The following RGS6 variants were observed in gnomAD, a reference collection of about 807,000 sequenced individuals.
RGS6 encodes regulator of G-protein signaling 6.
In RGS6, 30 loss-of-function variants were observed where a neutral mutation model predicts 78.5. The observed-to-expected ratio is 0.38, with a 90% CI of 0.29 to 0.52. The LOEUF is 0.52. Ranked by LOEUF, RGS6 falls within the 20% of genes least tolerant of loss-of-function variation. RGS6 has a pLI of 0.85. For synonymous variants in RGS6, 206 were observed against 206.0 expected (o/e 1.00, Z 0.00); for missense variants, 495 against 609.7 (o/e 0.81, Z 1.98).
At chr14:72,273,897 C>T (rs1378629836) in intron 2 of RGS6, among the ~76,000 whole-genome samples, 5 of 152,184 alleles carry the variant, frequency 3.3e-5, no homozygotes, top group African/African-American at 1.2e-4. Context: ...GAATTTCCTC[C>T]GGAATGTGCA....
At chr14:71,953,975 T>TTTTG (rs1555399234) in intron 1 of RGS6, among the ~76,000 whole-genome samples, 1 of 146,096 alleles carries the variant, frequency 6.8e-6, no homozygotes, top group Admixed American at 6.8e-5. Context: ...GGGCGTTTTT[T>TTTTG]TTTTTTTTTT....
At chr14:72,512,735 A>G (rs148488937) in intron 14 of RGS6, among the ~76,000 whole-genome samples, 23 of 152,348 alleles carry the variant, frequency 1.5e-4, no homozygotes, top group African/African-American at 5.1e-4. Flanking sequence ...TGGGTGAGAG[A>G]GAAGCTCAGT....
intron 17 of RGS6, among the ~76,000 whole-genome samples, chr14:72,557,420 A>G (rs1219442273): frequency 1.3e-5 from 2 of 152,176 alleles, no homozygotes; most frequent in Non-Finnish European, 2.9e-5. Context: ...AAGGAGCACC[A>G]GGGGCAGCAA....
rs11846572 is a variant in RGS6 at position 72,424,858 on chromosome 14, C to T, written c.185-29670C>T. Among the ~76,000 whole-genome samples, 950 of 152,248 alleles carry T rather than the reference C, an allele frequency of 6.2e-3. 11 individuals are homozygous for T. Among genetic ancestry groups the T allele is most frequent in the African/African-American group, 0.021 (891 of 41,538 alleles). ...AACTTTCCCTGTGCAGATGGTCTTTCAATAGAGTGGAATGTGTTTGGGGTT... is the reference window on the plus strand; with the variant it reads ...AACTTTCCCTGTGCAGATGGTCTTTTAATAGAGTGGAATGTGTTTGGGGTT... On this transcript the variant is annotated intron_variant, in intron 3 of 17. Transcript: ENST00000553525.
intron 17 of RGS6, 174 bp downstream of exon 17, chr14:72,540,268 T>C (rs1198696089): frequency 2.0e-6 from 3 of 1,532,128 alleles, no homozygotes; most frequent in Non-Finnish European, 2.6e-6. Context: ...GCTTCTCTTC[T>C]AGGGATGAAA....
At chr14:72,164,712 TTC>T (rs2096901368) in intron 2 of RGS6, among the ~76,000 whole-genome samples, 1 of 152,162 alleles carries the variant, frequency 6.6e-6, no homozygotes, top group Non-Finnish European at 1.5e-5. Context: ...TCCCCTCCCC[TTC>T]TCTCTCTTCC....
At chr14:72,094,663 A>C (rs1176025070) in intron 2 of RGS6, among the ~76,000 whole-genome samples, 2 of 152,148 alleles carry the variant, frequency 1.3e-5, no homozygotes, top group East Asian at 3.9e-4. Flanking sequence ...TGCTATCTTT[A>C]GGAACATTTA....
At chr14:71,872,067 A>T in the RGS6 span, among the ~76,000 whole-genome samples, 1 of 152,196 alleles carries the variant, frequency 6.6e-6, no homozygotes, top group Non-Finnish European at 1.5e-5. Flanking sequence ...TGCAGGGAGC[A>T]TGCTGTGGGC....
intron 2 of RGS6, among the ~76,000 whole-genome samples, chr14:72,326,230 A>T (rs1459822534): frequency 1.3e-5 from 2 of 152,248 alleles, no homozygotes; most frequent in African/African-American, 4.8e-5. Flanking sequence ...TCCACGAAGG[A>T]TATAATCTCT....
intron 2 of RGS6, among the ~76,000 whole-genome samples, chr14:72,211,737 T>C (rs745823149): frequency 3.3e-5 from 5 of 152,158 alleles, no homozygotes; most frequent in East Asian, 1.9e-4. Context: ...ACCCTATTTT[T>C]AGACAGCCTC....
At chr14:72,001,365 G>GA (rs2083384432) in intron 2 of RGS6, among the ~76,000 whole-genome samples, 1 of 152,032 alleles carries the variant, frequency 6.6e-6, no homozygotes, top group African/African-American at 2.4e-5. Context: ...GCAATTCTGT[G>GA]AAAATTTAGT....
chr14:72,478,393 G>T, intron 12 of RGS6, 64 bp downstream of exon 12: 1 of 1,196,868 alleles, frequency 8.4e-7, no homozygotes, highest in Non-Finnish European at 1.2e-6. Context: ...ATGTTACAGG[G>T]TTATGGTTAA....
At chr14:72,362,795 G>A (rs1040357605) in intron 3 of RGS6, among the ~76,000 whole-genome samples, 1 of 152,200 alleles carries the variant, frequency 6.6e-6, no homozygotes, top group African/African-American at 2.4e-5. Flanking sequence ...TCCACCTCCT[G>A]GTGTAGGAGT....
chr14:72,081,017 T>C (rs2094800490), intron 2 of RGS6, among the ~76,000 whole-genome samples: 1 of 152,120 alleles, frequency 6.6e-6, no homozygotes, highest in African/African-American at 2.4e-5. Context: ...TGTGGTTCCA[T>C]ATGAATTTTA....
chr14:72,519,275 A>G (rs772716336), intron 15 of RGS6, among the ~76,000 whole-genome samples: 5 of 152,182 alleles, frequency 3.3e-5, no homozygotes, highest in African/African-American at 4.8e-5. Context: ...GGGAGGTGCC[A>G]TTTCTAAAAA....
intron 1 of RGS6, among the ~76,000 whole-genome samples, chr14:71,939,265 C>G (rs545152936): frequency 6.6e-6 from 1 of 152,272 alleles, no homozygotes; most frequent in African/African-American, 2.4e-5. Context: ...CAACAGGCCC[C>G]ACACCACTGG....
At chr14:72,518,917 G>A (rs1333262522) in intron 15 of RGS6, among the ~76,000 whole-genome samples, 1 of 151,934 alleles carries the variant, frequency 6.6e-6, no homozygotes, top group Non-Finnish European at 1.5e-5. Flanking sequence ...GTCTACCTCT[G>A]AAGCCCACAC....
chr14:72,399,832 T>C (rs184721146), intron 3 of RGS6, among the ~76,000 whole-genome samples: 198 of 152,242 alleles, frequency 1.3e-3, no homozygotes, highest in African/African-American at 4.4e-3. Flanking sequence ...AAGAGAAGTT[T>C]AGAGAAAAAA....
At chr14:72,209,404 C>A (rs975250985) in intron 2 of RGS6, among the ~76,000 whole-genome samples, 2 of 144,320 alleles carry the variant, frequency 1.4e-5, no homozygotes, top group African/African-American at 5.1e-5. Flanking sequence ...ATTTTTCTTT[C>A]TATTTCTTCT....
Sources: allele counts gnomAD v4.1 joint callset (sites outside exome capture counted in the v4.1 genomes callset), GRCh38; gene constraint gnomAD v4.1.1; transcripts MANE v1.5; gene names NCBI Gene and HGNC (gene_info 2026-07-23, HGNC 2026-07-21).